BMP5: variants seen among roughly 807,000 people sequenced by gnomAD.
BMP5 encodes the protein bone morphogenetic protein 5.
A neutral mutation model predicts 46.6 loss-of-function variants in BMP5; 23 were observed. The observed-to-expected ratio is 0.49, with a 90% CI of 0.35 to 0.70. The LOEUF (loss-of-function observed/expected upper bound fraction) is 0.70, where lower values mean the gene tolerates loss of function less well. BMP5 is among the 30% of genes least tolerant of loss of function. The probability of loss-of-function intolerance (pLI) is 0.00; values close to 1 mark genes in which losing one functional copy is unlikely to be tolerated. For synonymous variants in BMP5, 204 were observed against 191.9 expected (o/e 1.06, Z -0.52); for missense variants, 545 against 565.6 (o/e 0.96, Z 0.37).
chr6:55,796,011 A>G (rs918318472), intron 2 of BMP5, among the ~76,000 whole-genome samples: 2 of 152,160 alleles, frequency 1.3e-5, no homozygotes, highest in Non-Finnish European at 2.9e-5. Context: ...CCTCCAAATA[A>G]GCAGACAAGA....
intron 3 of BMP5, among the ~76,000 whole-genome samples, chr6:55,783,784 C>T (rs1775382002): frequency 6.6e-6 from 1 of 151,894 alleles, no homozygotes; most frequent in African/African-American, 2.4e-5. Flanking sequence ...ATATTTCTGA[C>T]TTTGGCATTT....
At chr6:55,799,898 A>G (rs1230308508) in intron 2 of BMP5, among the ~76,000 whole-genome samples, 1 of 152,180 alleles carries the variant, frequency 6.6e-6, no homozygotes, top group Non-Finnish European at 1.5e-5. Context: ...GTAGGTTTGC[A>G]CAGACCTCCC....
At chr6:55,805,344 A>G (rs1430365284) in intron 2 of BMP5, among the ~76,000 whole-genome samples, 2 of 152,116 alleles carry the variant, frequency 1.3e-5, no homozygotes, top group African/African-American at 4.8e-5. Context: ...TCAACCCGTC[A>G]TCAAAGTTTT....
At chr6:55,851,200 CTTAA>C in intron 1 of BMP5, among the ~76,000 whole-genome samples, 1 of 138,588 alleles carries the variant, frequency 7.2e-6, no homozygotes, top group Non-Finnish European at 1.6e-5. Flanking sequence ...TTTTTTTTCT[CTTAA>C]TTTTCTTCTC....
chr6:55,811,891 A>G (rs1217254120), intron 2 of BMP5, among the ~76,000 whole-genome samples: 2 of 152,124 alleles, frequency 1.3e-5, no homozygotes, highest in African/African-American at 4.8e-5. Flanking sequence ...TATTTACATC[A>G]TCGTTCTTAG....
At chr6:55,829,440 T>C (rs1352740615) in intron 1 of BMP5, among the ~76,000 whole-genome samples, 3 of 151,790 alleles carry the variant, frequency 2.0e-5, no homozygotes, top group African/African-American at 7.3e-5. Context: ...CCCTCAACCA[T>C]CTACTGTGGC....
At chr6:55,797,910 G>A (rs1775756738) in intron 2 of BMP5, among the ~76,000 whole-genome samples, 1 of 151,974 alleles carries the variant, frequency 6.6e-6, no homozygotes, top group Non-Finnish European at 1.5e-5. Flanking sequence ...GCCACTGCGT[G>A]TGATTGTTTT....
chr6:55,773,412 T>C (rs1030300691), intron 4 of BMP5, among the ~76,000 whole-genome samples: 2 of 151,960 alleles, frequency 1.3e-5, no homozygotes, highest in African/African-American at 4.8e-5. Context: ...TTCTGATCAA[T>C]TGAAATTTGA....
chr6:55,842,355 G>A (rs937260658), intron 1 of BMP5, among the ~76,000 whole-genome samples: 1 of 152,122 alleles, frequency 6.6e-6, no homozygotes, highest in African/African-American at 2.4e-5. Flanking sequence ...GGACAAGAAT[G>A]TCCATGTTTA....
intron 2 of BMP5, among the ~76,000 whole-genome samples, chr6:55,803,513 T>C (rs1180395083): frequency 2.0e-5 from 3 of 152,112 alleles, no homozygotes; most frequent in Non-Finnish European, 4.4e-5. Flanking sequence ...AGTTGGGTAG[T>C]GGAATGGAAG....
chr6:55,809,222 A>G (rs1316286982), intron 2 of BMP5, among the ~76,000 whole-genome samples: 1 of 152,214 alleles, frequency 6.6e-6, no homozygotes, highest in African/African-American at 2.4e-5. Context: ...ATGATATACA[A>G]ATTACTATAA....
intron 4 of BMP5, among the ~76,000 whole-genome samples, chr6:55,769,947 C>T (rs1486745863): frequency 2.6e-5 from 4 of 151,814 alleles, no homozygotes; most frequent in Non-Finnish European, 5.9e-5. Flanking sequence ...AGTTAATAAA[C>T]CATGCTATCA....
chr6:55,812,618 A>G (rs569455964), intron 2 of BMP5, among the ~76,000 whole-genome samples: 18 of 152,360 alleles, frequency 1.2e-4, no homozygotes, highest in African/African-American at 4.3e-4. Context: ...TACATTAAAG[A>G]GTACAGTCTG....
At chr6:55,828,572 T>C (rs1776584223) in intron 1 of BMP5, among the ~76,000 whole-genome samples, 1 of 151,836 alleles carries the variant, frequency 6.6e-6, no homozygotes, top group African/African-American at 2.4e-5. Flanking sequence ...GCATATTTTA[T>C]TTACATAATA....
chr6:55,833,086 A>G (rs748199205), intron 1 of BMP5, among the ~76,000 whole-genome samples: 7 of 152,188 alleles, frequency 4.6e-5, no homozygotes, highest in Non-Finnish European at 7.4e-5. Flanking sequence ...ACTGTACTCC[A>G]GCCTGTGCGA....
intron 1 of BMP5, among the ~76,000 whole-genome samples, chr6:55,863,145 T>G (rs1471008868): frequency 2.6e-5 from 4 of 152,196 alleles, no homozygotes; most frequent in African/African-American, 9.7e-5. Context: ...ATGAATGACC[T>G]TTCAGAACTC....
chr6:55,869,936 C>T (rs1413621378), intron 1 of BMP5, among the ~76,000 whole-genome samples: 2 of 151,924 alleles, frequency 1.3e-5, no homozygotes, highest in Non-Finnish European at 2.9e-5. Context: ...CAAACCAGGA[C>T]GAAAGGCAGA....
At chr6:55,863,432 C>T (rs1337635532) in intron 1 of BMP5, among the ~76,000 whole-genome samples, 3 of 152,086 alleles carry the variant, frequency 2.0e-5, no homozygotes, top group Admixed American at 2.0e-4. Context: ...AAGTTATTTA[C>T]CCTCAGAACA....
chr6:55,791,773 G>A (rs1775577230), intron 3 of BMP5, among the ~76,000 whole-genome samples: 1 of 152,164 alleles, frequency 6.6e-6, no homozygotes, highest in African/African-American at 2.4e-5. Context: ...GAAATTAAAA[G>A]GAAACAGGCT....
Sources: allele counts gnomAD v4.1 joint callset (sites outside exome capture counted in the v4.1 genomes callset), GRCh38; gene constraint gnomAD v4.1.1; transcripts MANE v1.5; gene names NCBI Gene and HGNC (gene_info 2026-07-23, HGNC 2026-07-21).